The following ADGRL3 variants were observed in gnomAD, a reference collection of about 807,000 sequenced individuals.
ADGRL3 encodes calcium-independent alpha-latrotoxin receptor 3.
In ADGRL3, 62 loss-of-function variants were observed where a neutral mutation model predicts 153.5. The ratio of observed to expected loss-of-function variants is 0.40; its 90% CI spans 0.33 to 0.50. The LOEUF is 0.50. Ranked by LOEUF, ADGRL3 falls within the 20% of genes least tolerant of loss-of-function variation. ADGRL3 has a pLI of 0.47. For missense variants in ADGRL3, 1,641 were observed against 1,859.4 expected, an observed-to-expected ratio of 0.88 and a Z score of 2.16; for synonymous variants, 710 against 672.5, an observed-to-expected ratio of 1.06 and a Z score of -0.86.
chr4:61,450,298 G>A (rs1163255655), intron 2 of ADGRL3, among the ~76,000 whole-genome samples: 1 of 152,086 alleles, frequency 6.6e-6, no homozygotes, highest in Non-Finnish European at 1.5e-5. Flanking sequence ...AAAATACCTA[G>A]TAGAATATGT....
chr4:61,501,630 T>C (rs2098388005), intron 3 of ADGRL3, among the ~76,000 whole-genome samples: 2 of 152,334 alleles, frequency 1.3e-5, no homozygotes, highest in Middle Eastern at 3.4e-3. Context: ...TATGTAGGAA[T>C]GTTTAAACTA....
chr4:61,328,987 C>T (rs968293294), intron 1 of ADGRL3, among the ~76,000 whole-genome samples: 14 of 152,028 alleles, frequency 9.2e-5, no homozygotes, highest in African/African-American at 3.4e-4. Flanking sequence ...TAGGACTGAC[C>T]TGGTTGAAAG....
chr4:61,573,294 C>T (rs1425631034), intron 4 of ADGRL3, among the ~76,000 whole-genome samples: 3 of 151,810 alleles, frequency 2.0e-5, no homozygotes, highest in Admixed American at 2.0e-4. Context: ...ATGAAGTCGC[C>T]AAATTGAATT....
chr4:61,389,123 G>A (rs567752549), intron 2 of ADGRL3, among the ~76,000 whole-genome samples: 22 of 152,290 alleles, frequency 1.4e-4, no homozygotes, highest in African/African-American at 4.1e-4. Context: ...TCTGGAAGCA[G>A]CATGCATGAT....
intron 4 of ADGRL3, among the ~76,000 whole-genome samples, chr4:61,553,344 A>G (rs1163480370): frequency 2.6e-5 from 4 of 152,230 alleles, no homozygotes; most frequent in African/African-American, 9.6e-5. Flanking sequence ...TAATACAAAT[A>G]AGTATAAATA....
intron 1 of ADGRL3, among the ~76,000 whole-genome samples, chr4:61,334,788 T>G (rs2095644319): frequency 2.0e-5 from 3 of 152,246 alleles, no homozygotes; most frequent in East Asian, 3.9e-4. Flanking sequence ...CAAATTCAAT[T>G]GAGTTATATA....
At chr4:61,364,401 G>A (rs56084292) in intron 1 of ADGRL3, among the ~76,000 whole-genome samples, 17,099 of 151,394 alleles carry the variant, frequency 0.11, 1,140 homozygotes, top group South Asian at 0.15. Flanking sequence ...GGCAATATAT[G>A]TCGTGATTTA....
chr4:61,977,302 T>G (rs1197823422), intron 17 of ADGRL3, among the ~76,000 whole-genome samples: 1 of 151,994 alleles, frequency 6.6e-6, no homozygotes, highest in East Asian at 1.9e-4. Context: ...TATGAAAGAC[T>G]GCTGTGCTAA....
intron 2 of ADGRL3, among the ~76,000 whole-genome samples, chr4:61,413,113 C>T (rs7698624): frequency 0.93 from 142,016 of 152,178 alleles, 67,053 homozygotes; most frequent in East Asian, 1. Context: ...GCAGGTGGAG[C>T]TGATAGAAGT....
At chr4:61,681,632 T>C (rs2095337988) in intron 6 of ADGRL3, among the ~76,000 whole-genome samples, 1 of 152,070 alleles carries the variant, frequency 6.6e-6, no homozygotes, top group South Asian at 2.1e-4. Flanking sequence ...ATTGGAAGAT[T>C]GGTATTTATA....
intron 6 of ADGRL3, among the ~76,000 whole-genome samples, chr4:61,685,799 T>A (rs2095431704): frequency 6.6e-6 from 1 of 152,110 alleles, no homozygotes; most frequent in Non-Finnish European, 1.5e-5. Flanking sequence ...AGAAGAGAAT[T>A]GAATAAACTG....
At chr4:61,967,766 G>C (rs1225626312) in intron 17 of ADGRL3, among the ~76,000 whole-genome samples, 1 of 152,094 alleles carries the variant, frequency 6.6e-6, no homozygotes, top group Non-Finnish European at 1.5e-5. Context: ...ACACTATCAG[G>C]ATTAATAGTT....
rs564969477 is a variant in ADGRL3, at chr4:61,551,283, A to T, written c.259+33765A>T. 2.0e-5 allele frequency among the ~76,000 whole-genome samples: 3 copies of T among 152,242 alleles called. No individual in the cohort carries two copies. In the South Asian group the frequency reaches 6.2e-4, roughly 32 times the overall value. The stretch of plus-strand genomic sequence containing the variant: ...TAAAGGTGTTATCAAATGCATAGTG[A>T]TTTTTATATAAAAGTTTTGTAGTCA... On this transcript the variant is annotated intron_variant, in intron 4 of 26. Transcript: ENST00000683033.
chr4:61,743,032 C>G (rs978409903), intron 8 of ADGRL3, among the ~76,000 whole-genome samples: 2 of 148,892 alleles, frequency 1.3e-5, no homozygotes, highest in African/African-American at 2.5e-5. Flanking sequence ...TTAGAAAAAA[C>G]AATTCTGGCT....
At chr4:61,498,046 G>A (rs2098340683) in intron 3 of ADGRL3, among the ~76,000 whole-genome samples, 1 of 151,888 alleles carries the variant, frequency 6.6e-6, no homozygotes, top group Non-Finnish European at 1.5e-5. Context: ...CATTTTTAAT[G>A]TAGTAAATTT....
chr4:61,766,402 A>G (rs1184601884), intron 8 of ADGRL3, among the ~76,000 whole-genome samples: 2 of 152,096 alleles, frequency 1.3e-5, no homozygotes, highest in African/African-American at 4.8e-5. Context: ...CATGAGGGCT[A>G]GGCTAAAACA....
intron 9 of ADGRL3, among the ~76,000 whole-genome samples, chr4:61,841,119 C>A (rs1054869334): frequency 1.3e-5 from 2 of 152,146 alleles, no homozygotes; most frequent in Admixed American, 6.6e-5. Flanking sequence ...TACCTCCTCC[C>A]CCTTTCTTTC....
intron 3 of ADGRL3, among the ~76,000 whole-genome samples, chr4:61,516,199 G>A (rs335308): frequency 0.78 from 118,906 of 151,966 alleles, 47,185 homozygotes; most frequent in East Asian, 0.94. Context: ...CTAATCTGCA[G>A]ATATTTTATA....
At chr4:61,773,930 T>C (rs2097114720) in intron 8 of ADGRL3, among the ~76,000 whole-genome samples, 1 of 152,184 alleles carries the variant, frequency 6.6e-6, no homozygotes, top group South Asian at 2.1e-4. Flanking sequence ...AAGGTAAATA[T>C]ATGCGGGAAA....
Sources: gnomAD v4.1 joint callset for allele counts (sites outside exome capture counted in the v4.1 genomes callset) on GRCh38, gnomAD v4.1.1 for gene constraint, MANE v1.5 for transcripts, NCBI Gene and HGNC (gene_info 2026-07-23, HGNC 2026-07-21) for gene names.